The following NLK variants were observed in gnomAD, a reference collection of about 807,000 sequenced individuals.
NLK encodes nemo like kinase.
NLK carries 11 observed loss-of-function variants against 59.0 expected under a neutral mutation model. That is an observed-to-expected ratio of 0.19 (90% CI 0.12 to 0.31). NLK has a LOEUF of 0.31. NLK is among the 10% of genes least tolerant of loss of function. The pLI, the probability that NLK is intolerant of heterozygous loss-of-function variation, is 1.00. For synonymous variants in NLK, 235 were observed against 235.9 expected, an observed-to-expected ratio of 1.00 and a Z score of 0.03; for missense variants, 410 against 661.1, an observed-to-expected ratio of 0.62 and a Z score of 4.16.
chr17:28,112,617 A>G (rs530850549), intron 1 of NLK, among the ~76,000 whole-genome samples: 37 of 152,224 alleles, frequency 2.4e-4, no homozygotes, highest in Non-Finnish European at 2.5e-4. Context: ...GACCTCTTCA[A>G]TTTGCCACAG....
chr17:28,184,996 A>G (rs1684352600), intron 7 of NLK, among the ~76,000 whole-genome samples, 183 bp from the exon 8 acceptor site: 1 of 152,128 alleles, frequency 6.6e-6, no homozygotes, highest in African/African-American at 2.4e-5. Flanking sequence ...TAAAAATGCT[A>G]CGGGAAGTTA....
intron 1 of NLK, among the ~76,000 whole-genome samples, chr17:28,119,175 CT>C (rs1297375839): frequency 6.6e-6 from 1 of 152,196 alleles, no homozygotes; most frequent in African/African-American, 2.4e-5. Context: ...GTATAACATG[CT>C]TCCACACTTA....
intron 1 of NLK, among the ~76,000 whole-genome samples, chr17:28,070,069 C>T (rs998518949): frequency 2.0e-5 from 3 of 152,006 alleles, no homozygotes; most frequent in African/African-American, 7.2e-5. Flanking sequence ...AACCCTGTCT[C>T]TACTAAAATT....
intron 7 of NLK, among the ~76,000 whole-genome samples, chr17:28,178,697 T>C (rs1441329494): frequency 1.3e-5 from 2 of 152,210 alleles, no homozygotes; most frequent in Non-Finnish European, 2.9e-5. Context: ...CCATATCTTA[T>C]ATTTAACAGA....
chr17:28,090,438 A>G (rs1215136303), intron 1 of NLK, among the ~76,000 whole-genome samples: 1 of 152,048 alleles, frequency 6.6e-6, no homozygotes, highest in African/African-American at 2.4e-5. Context: ...CTTTGTAGAT[A>G]CCCAGTTTTT....
chr17:28,170,576 T>C (rs889752045), intron 6 of NLK, among the ~76,000 whole-genome samples: 1 of 152,218 alleles, frequency 6.6e-6, no homozygotes, highest in African/African-American at 2.4e-5. Flanking sequence ...GTTGGGTACT[T>C]TTGACAATAT....
At chr17:28,141,641 G>A (rs1884434727) in intron 3 of NLK, among the ~76,000 whole-genome samples, 1 of 152,058 alleles carries the variant, frequency 6.6e-6, no homozygotes, top group Non-Finnish European at 1.5e-5. Flanking sequence ...AGGTTACTTG[G>A]GTCTAATTTG....
At chr17:28,052,306 G>C (rs1909285780) in intron 1 of NLK, among the ~76,000 whole-genome samples, 1 of 152,168 alleles carries the variant, frequency 6.6e-6, no homozygotes, top group Non-Finnish European at 1.5e-5. Context: ...TTGTGTGTGA[G>C]TAATCAGGTA....
intron 1 of NLK, among the ~76,000 whole-genome samples, chr17:28,083,447 T>C (rs1469838082): frequency 6.6e-6 from 1 of 152,210 alleles, no homozygotes; most frequent in Non-Finnish European, 1.5e-5. Context: ...AAGCTTCCTG[T>C]ACTAGATTAC....
At chr17:28,052,825 A>G (rs1164978452) in intron 1 of NLK, among the ~76,000 whole-genome samples, 1 of 151,374 alleles carries the variant, frequency 6.6e-6, no homozygotes, top group East Asian at 1.9e-4. Flanking sequence ...TGGTCTAACC[A>G]CATTTTAAGT....
At chr17:28,198,709 C>T (rs1019878497), downstream of NLK, among the ~76,000 whole-genome samples, 3 of 152,160 alleles carry the variant, frequency 2.0e-5, no homozygotes, top group South Asian at 2.1e-4. Context: ...ACTTGAAAGA[C>T]GAATTTCTTA....
intron 8 of NLK, among the ~76,000 whole-genome samples, chr17:28,185,911 G>A (rs1909098603): frequency 1.3e-5 from 2 of 152,088 alleles, no homozygotes; most frequent in South Asian, 4.1e-4. Flanking sequence ...TGTTTGCTCT[G>A]TGTTGTTGAG....
At chr17:28,079,715 T>C (rs1016732624) in intron 1 of NLK, among the ~76,000 whole-genome samples, 2 of 152,182 alleles carry the variant, frequency 1.3e-5, no homozygotes, top group African/African-American at 4.8e-5. Flanking sequence ...CAGAGTTCCT[T>C]GTATATTCTA....
intron 1 of NLK, among the ~76,000 whole-genome samples, chr17:28,061,038 A>G (rs558504500): frequency 7.2e-4 from 110 of 152,292 alleles, no homozygotes; most frequent in South Asian, 6.0e-3. Flanking sequence ...ATCAGTGACC[A>G]CTTAAGATGG....
At chr17:28,150,876 A>G (rs750107832) in intron 3 of NLK, among the ~76,000 whole-genome samples, 2 of 152,202 alleles carry the variant, frequency 1.3e-5, no homozygotes, top group African/African-American at 2.4e-5. Context: ...TAATCTGCTC[A>G]TATTCTTCTG....
intron 7 of NLK, among the ~76,000 whole-genome samples, chr17:28,181,080 C>T (rs547951512): frequency 6.6e-6 from 1 of 151,802 alleles, no homozygotes; most frequent in African/African-American, 2.4e-5. Flanking sequence ...ACAGGGAGAC[C>T]CTGTCTCTAC....
chr17:28,044,868 T>G (rs1190080554), intron 1 of NLK, among the ~76,000 whole-genome samples: 1 of 152,208 alleles, frequency 6.6e-6, no homozygotes, highest in African/African-American at 2.4e-5. Flanking sequence ...TTTTAGTGCC[T>G]TACATACAAT....
At chr17:28,107,930 A>G (rs1905266651) in intron 1 of NLK, among the ~76,000 whole-genome samples, 1 of 152,132 alleles carries the variant, frequency 6.6e-6, no homozygotes, top group Non-Finnish European at 1.5e-5. Flanking sequence ...AACATCCTAA[A>G]AATGTCTTAT....
intron 3 of NLK, among the ~76,000 whole-genome samples, chr17:28,151,585 A>G (rs1314575128): frequency 6.6e-6 from 1 of 152,202 alleles, no homozygotes; most frequent in Non-Finnish European, 1.5e-5. Context: ...AAAAGATACT[A>G]AAGAAAGGGA....
Sources: allele counts gnomAD v4.1 joint callset (sites outside exome capture counted in the v4.1 genomes callset), GRCh38; gene constraint gnomAD v4.1.1; transcripts MANE v1.5; gene names NCBI Gene and HGNC (gene_info 2026-07-23, HGNC 2026-07-21).